Variants in NUP93 observed in about 807,000 individuals in gnomAD.
NUP93 encodes nuclear pore complex protein Nup93.
NUP93 carries 55 observed loss-of-function variants against 107.8 expected under a neutral mutation model. That is an observed-to-expected ratio of 0.51 (90% CI 0.41 to 0.64). NUP93 has a LOEUF of 0.64. Ranked by LOEUF, NUP93 falls within the 30% of genes least tolerant of loss-of-function variation. The pLI is 0.00. For synonymous variants in NUP93, 390 were observed against 397.5 expected, an observed-to-expected ratio of 0.98 and a Z score of 0.22; for missense variants, 937 against 1,044.7, an observed-to-expected ratio of 0.90 and a Z score of 1.42.
At chr16:56,740,134 C>CCCG (rs1382434914) in intron 1 of NUP93, among the ~76,000 whole-genome samples, 1 of 130,594 alleles carries the variant, frequency 7.7e-6, no homozygotes, top group African/African-American at 3.0e-5. Context: ...CTGACCCCCC[C>CCCG]ACCTCCCTCC....
chr16:56,750,290 T>G (rs1383674974), intron 2 of NUP93, among the ~76,000 whole-genome samples: 2 of 152,138 alleles, frequency 1.3e-5, no homozygotes, highest in Admixed American at 1.3e-4. Context: ...ATGACTGTGT[T>G]TTTCCATCTT....
intron 1 of NUP93, among the ~76,000 whole-genome samples, chr16:56,745,554 G>T (rs928942230): frequency 1.3e-5 from 2 of 152,200 alleles, no homozygotes; most frequent in Admixed American, 6.5e-5. Flanking sequence ...ATGTGGGGAG[G>T]TGTCTAGGTA....
intron 1 of NUP93, among the ~76,000 whole-genome samples, chr16:56,737,868 C>A (rs1961638484): frequency 2.0e-5 from 3 of 152,192 alleles, no homozygotes; most frequent in Non-Finnish European, 2.9e-5. Context: ...GTTGTGACAA[C>A]CAAAAATGTC....
In NUP93 at chr16:56,748,216, AT is replaced by A; in HGVS notation, c.-14-12del. 6.5e-7 allele frequency: 1 copy of A among 1,541,834 alleles called. No homozygotes were observed. The highest frequency in any genetic ancestry group is 8.8e-7 in the Non-Finnish European group (1 of 1,131,876). Reference sequence around the variant, plus strand: ...TCTTTCCCTTGATTTAGATCTTTTCATTTTTTCTCCCATCTAGGATCTGCAT... The same window carrying A: ...TCTTTCCCTTGATTTAGATCTTTTCATTTTTCTCCCATCTAGGATCTGCAT... On this transcript the variant is annotated splice_polypyrimidine_tract_variant and intron_variant, in intron 1 of 21. Transcript: ENST00000308159.
chr16:56,845,302 C>G lies in NUP93; in HGVS notation c.*693C>G. The G allele has an allele frequency of 6.5e-6, 1 of 152,828 alleles. No individual in the cohort carries two copies. Among genetic ancestry groups the G allele is most frequent in the South Asian group, 2.1e-4 (1 of 4,826 alleles). 9.5% of individuals were successfully genotyped at this position (152,828 alleles called of 1,614,324 possible). A position where few individuals can be genotyped will look rare whatever the true frequency, so the allele number is the denominator to read the frequency against. ...AAGGGGTAAACCTTGCCACTGCACT[C>G]CTCTGTAGCTGCTCCACTGTGAGTT... On this transcript the variant is annotated 3_prime_UTR_variant, in exon 22 of 22. Coordinates refer to ENST00000308159, the MANE Select transcript of NUP93 (RefSeq NM_014669.5).
intron 16 of NUP93, among the ~76,000 whole-genome samples, chr16:56,836,395 G>C (rs1182072327): frequency 2.6e-5 from 4 of 152,170 alleles, no homozygotes; most frequent in African/African-American, 4.8e-5. Flanking sequence ...CCTTTCATGT[G>C]TAGTTTCCTT....
intron 13 of NUP93, among the ~76,000 whole-genome samples, 177 bp downstream of exon 13, chr16:56,833,583 A>G (rs1367944971): frequency 1.5e-5 from 1 of 67,556 alleles, no homozygotes; most frequent in African/African-American, 5.5e-5. Context: ...CTTCCCCCCC[A>G]CCCCCCAGCA....
chr16:56,833,842 A>G (rs1246389400), intron 13 of NUP93, among the ~76,000 whole-genome samples: 1 of 152,184 alleles, frequency 6.6e-6, no homozygotes, highest in Non-Finnish European at 1.5e-5. Flanking sequence ...TTGTTGCAGC[A>G]AAGTCATCCC....
At chr16:56,773,851 C>T (rs12920239) in intron 3 of NUP93, among the ~76,000 whole-genome samples, 101 of 152,320 alleles carry the variant, frequency 6.6e-4, no homozygotes, top group Non-Finnish European at 1.3e-3. Context: ...ACAAAGCAGA[C>T]TGCAAAGCAG....
intron 3 of NUP93, among the ~76,000 whole-genome samples, chr16:56,773,143 A>G (rs1375852830): frequency 6.6e-6 from 1 of 152,186 alleles, no homozygotes; most frequent in Non-Finnish European, 1.5e-5. Flanking sequence ...GTTGCAACTT[A>G]TTTATTATTA....
chr16:56,819,314 A>T (rs1963497265), intron 6 of NUP93, among the ~76,000 whole-genome samples: 1 of 152,216 alleles, frequency 6.6e-6, no homozygotes, highest in African/African-American at 2.4e-5. Context: ...CACCCTGAGG[A>T]CCATACATAG....
chr16:56,820,616 G>A (rs1045313122), intron 6 of NUP93, among the ~76,000 whole-genome samples: 3 of 152,186 alleles, frequency 2.0e-5, no homozygotes, highest in Admixed American at 6.5e-5. Flanking sequence ...TGCACCCAGC[G>A]AAACCGTTTA....
chr16:56,768,180 A>G (rs78018534), intron 3 of NUP93, among the ~76,000 whole-genome samples: 6,444 of 152,270 alleles, frequency 0.042, 202 homozygotes, highest in East Asian at 0.077. Flanking sequence ...TGAGCACCAC[A>G]AGTTTAAATA....
intron 5 of NUP93, among the ~76,000 whole-genome samples, chr16:56,812,378 CTA>C (rs1312482197): frequency 6.6e-6 from 1 of 151,974 alleles, no homozygotes; most frequent in Non-Finnish European, 1.5e-5. Flanking sequence ...GAGTCTCGCT[CTA>C]TTGCCCAGGC....
chr16:56,751,032 C>T (rs1961909119), intron 2 of NUP93, among the ~76,000 whole-genome samples: 1 of 151,984 alleles, frequency 6.6e-6, no homozygotes, highest in Admixed American at 6.6e-5. Context: ...CCTGTAGTCC[C>T]AGCTACTCGG....
chr16:56,771,167 T>C (rs1449145611), intron 3 of NUP93, among the ~76,000 whole-genome samples: 3 of 152,216 alleles, frequency 2.0e-5, no homozygotes, highest in Non-Finnish European at 1.5e-5. Context: ...GGCCTGGAAC[T>C]TTGTATGAAG....
At chr16:56,836,314 T>G (rs192436879) in intron 16 of NUP93, among the ~76,000 whole-genome samples, 162 of 152,290 alleles carry the variant, frequency 1.1e-3, no homozygotes, top group Non-Finnish European at 1.8e-4. Context: ...ACTGACTCTC[T>G]GGGTCATTTT....
chr16:56,786,468 T>G (rs551262230), intron 3 of NUP93, among the ~76,000 whole-genome samples: 1 of 152,354 alleles, frequency 6.6e-6, no homozygotes, highest in East Asian at 1.9e-4. Context: ...GGTGACTGAT[T>G]GATCTAATGG....
At chr16:56,737,168 AT>A (rs1266567216) in intron 1 of NUP93, among the ~76,000 whole-genome samples, 1 of 152,206 alleles carries the variant, frequency 6.6e-6, no homozygotes, top group Admixed American at 6.5e-5. Flanking sequence ...TTAAACAGAA[AT>A]TTATTTCCTC....
Sources: allele counts gnomAD v4.1 joint callset (sites outside exome capture counted in the v4.1 genomes callset), GRCh38; gene constraint gnomAD v4.1.1; transcripts MANE v1.5; gene names NCBI Gene and HGNC (gene_info 2026-07-23, HGNC 2026-07-21).